TMEM9: variants seen among roughly 807,000 people sequenced by gnomAD.
TMEM9 encodes the protein transmembrane protein 9, also known as proton-transporting V-type ATPase complex assembly regulator TMEM9.
A neutral mutation model predicts 22.8 loss-of-function variants in TMEM9; 13 were observed. The observed-to-expected ratio is 0.57, with a 90% CI of 0.37 to 0.91. TMEM9 has a LOEUF of 0.91. TMEM9 is among the 40% of genes least tolerant of loss of function. The pLI is 0.01. For missense variants in TMEM9, 182 were observed against 238.1 expected, an observed-to-expected ratio of 0.76 and a Z score of 1.55; for synonymous variants, 88 against 93.0, an observed-to-expected ratio of 0.95 and a Z score of 0.31.
At chr1:201,171,131 G>T (rs567772183) in intron 1 of TMEM9, among the ~76,000 whole-genome samples, 17 of 152,294 alleles carry the variant, frequency 1.1e-4, no homozygotes, top group Admixed American at 9.8e-4. Flanking sequence ...CCGCCCGCTC[G>T]CTCCGTCCTT....
intron 3 of TMEM9, 179 bp downstream of exon 3, chr1:201,146,561 G>A: frequency 1.4e-6 from 1 of 705,776 alleles, no homozygotes; most frequent in Non-Finnish European, 2.6e-6. Context: ...AGAGAAGGGA[G>A]CTGGCTCCAG....
intron 2 of TMEM9, among the ~76,000 whole-genome samples, chr1:201,149,927 C>G (rs1665289344): frequency 6.6e-6 from 1 of 152,174 alleles, no homozygotes; most frequent in Non-Finnish European, 1.5e-5. Context: ...TCAGTTTACA[C>G]CCACCACCCT....
intron 4 of TMEM9, among the ~76,000 whole-genome samples, chr1:201,139,280 T>C (rs919482355): frequency 6.6e-6 from 1 of 152,160 alleles, no homozygotes; most frequent in East Asian, 1.9e-4. Context: ...GGTGGTCTCA[T>C]CACTTACCAG....
At chr1:201,170,533 G>A (rs939363031) in intron 1 of TMEM9, among the ~76,000 whole-genome samples, 3 of 152,284 alleles carry the variant, frequency 2.0e-5, no homozygotes, top group South Asian at 2.1e-4. Context: ...ACTGGGTGCT[G>A]AAATGCTGAC....
intron 1 of TMEM9, among the ~76,000 whole-genome samples, chr1:201,168,471 C>A (rs1666130249): frequency 6.6e-6 from 1 of 152,188 alleles, no homozygotes; most frequent in South Asian, 2.1e-4. Context: ...GTAATCTCAG[C>A]ACTTTGGGAG....
chr1:201,149,962 G>C lies in TMEM9; in HGVS notation c.158+1799C>G, dbSNP rs140767363. 3.1e-4 allele frequency among the ~76,000 whole-genome samples: 47 copies of C among 152,284 alleles called. No individual in the cohort carries two copies. In the East Asian group the frequency reaches 7.3e-3, roughly 24 times the overall value. ...TTAATGGAGCTGCCCTGAGGTTCCTGATGTAAGGCTATTCATCAAGCAGCC... is the reference window on the plus strand; with the variant it reads ...TTAATGGAGCTGCCCTGAGGTTCCTCATGTAAGGCTATTCATCAAGCAGCC... On this transcript the variant is annotated intron_variant, in intron 2 of 4. Transcript: ENST00000367330.
chr1:201,136,011 T>C (rs2102214896), intron 4 of TMEM9, among the ~76,000 whole-genome samples, 196 bp from the exon 5 acceptor site: 1 of 152,252 alleles, frequency 6.6e-6, no homozygotes, highest in Non-Finnish European at 1.5e-5. Context: ...CCAGGTCTGC[T>C]GGAAGCCTTA....
intron 1 of TMEM9, among the ~76,000 whole-genome samples, chr1:201,170,985 CTGAG>C (rs1666198102): frequency 6.6e-6 from 1 of 152,268 alleles, no homozygotes; most frequent in South Asian, 2.1e-4. Flanking sequence ...CAGGTGTTAC[CTGAG>C]TAAGATTGAG....
chr1:201,163,245 C>T (rs1405089953), intron 1 of TMEM9, among the ~76,000 whole-genome samples: 2 of 152,132 alleles, frequency 1.3e-5, no homozygotes, highest in South Asian at 2.1e-4. Flanking sequence ...CATGGTCATG[C>T]CACTGTACTC....
At chr1:201,169,414 A>G (rs1293171457) in intron 1 of TMEM9, among the ~76,000 whole-genome samples, 2 of 152,154 alleles carry the variant, frequency 1.3e-5, no homozygotes, top group African/African-American at 2.4e-5. Context: ...TGATCCACCC[A>G]CTCTGCACCA....
chr1:201,137,263 CTCAGCCT>C (rs1255468846), intron 4 of TMEM9, among the ~76,000 whole-genome samples: 10 of 126,256 alleles, frequency 7.9e-5, no homozygotes, highest in Non-Finnish European at 1.7e-4. Flanking sequence ...CCCTTCCAGC[CTCAGCCT>C]CCCCTAGGCT....
At chr1:201,157,333 T>G (rs1665826464), upstream of TMEM9, among the ~76,000 whole-genome samples, 1 of 152,164 alleles carries the variant, frequency 6.6e-6, no homozygotes, top group South Asian at 2.1e-4. Context: ...TTACTGTACA[T>G]GTGCTAACAA....
rs1487014490 is a variant in TMEM9 at position 201,154,332 on chromosome 1, C to A, written c.-409G>T. ...AACTTTTGGGTGCGAGTCTGGGACCCCTGCTCCGACGGCGAAGGCCGGTGC... is the reference window on the plus strand; with the variant it reads ...AACTTTTGGGTGCGAGTCTGGGACCACTGCTCCGACGGCGAAGGCCGGTGC... On this transcript the variant is annotated 5_prime_UTR_variant, in exon 1 of 5. Coordinates refer to ENST00000367330, the MANE Select transcript of TMEM9 (RefSeq NM_001288565.2). 5.6e-6 allele frequency: 1 copy of A among 177,488 alleles called. No individual in the cohort carries two copies. Among genetic ancestry groups the A allele is most frequent in the Non-Finnish European group, 1.2e-5 (1 of 82,354 alleles). The allele number at this position is 177,488 out of a possible 1,614,324, so 11.0% of individuals were successfully genotyped here.
intron 2 of TMEM9, among the ~76,000 whole-genome samples, chr1:201,147,911 C>T (rs1221301005): frequency 6.6e-6 from 1 of 152,226 alleles, no homozygotes; most frequent in Non-Finnish European, 1.5e-5. Flanking sequence ...CTCAGCTTAG[C>T]CACCTGTGCC....
rs745439302 is a variant in TMEM9, at chr1:201,153,933, G to T, written c.-10C>A. 1.6e-5 allele frequency: 25 copies of T among 1,603,162 alleles called. No homozygotes were observed. The African/African-American group carries it at 3.1e-4, about 20-fold the overall frequency. The stretch of plus-strand genomic sequence containing the variant: ...AAGATAAGAGCTTCATGCTTATCAG[G>T]CTTGCTGGGCCAGCAAAGCCGGACA... On this transcript the variant is annotated 5_prime_UTR_variant, in exon 1 of 5. Coordinates refer to ENST00000367330, the MANE Select transcript of TMEM9 (RefSeq NM_001288565.2).
chr1:201,170,566 T>TAGG (rs1666186747), intron 1 of TMEM9, among the ~76,000 whole-genome samples: 1 of 152,098 alleles, frequency 6.6e-6, no homozygotes, highest in Admixed American at 6.5e-5. Flanking sequence ...ACGACTCCCC[T>TAGG]AGGAGACAGA....
intron 1 of TMEM9, among the ~76,000 whole-genome samples, chr1:201,167,587 C>G (rs1291251110): frequency 6.6e-6 from 1 of 152,198 alleles, no homozygotes; most frequent in African/African-American, 2.4e-5. Flanking sequence ...CCATTTATGT[C>G]TACACCTTAG....
intron 4 of TMEM9, among the ~76,000 whole-genome samples, chr1:201,138,497 T>C (rs1235423130): frequency 2.6e-5 from 4 of 152,134 alleles, no homozygotes; most frequent in Non-Finnish European, 5.9e-5. Context: ...TGCCACCAGT[T>C]CCTCCCCTCT....
intron 1 of TMEM9, among the ~76,000 whole-genome samples, chr1:201,164,653 A>G (rs1427455004): frequency 1.3e-5 from 2 of 152,212 alleles, no homozygotes; most frequent in East Asian, 1.9e-4. Context: ...ATGGGATCCA[A>G]TAGAGAAATG....
Sources: allele counts gnomAD v4.1 joint callset (sites outside exome capture counted in the v4.1 genomes callset), GRCh38; gene constraint gnomAD v4.1.1; transcripts MANE v1.5; gene names NCBI Gene and HGNC (gene_info 2026-07-23, HGNC 2026-07-21).